ETV1: variants seen among roughly 807,000 people sequenced by gnomAD.
ETV1 encodes the protein ETS variant transcription factor 1.
In ETV1, 27 loss-of-function variants were observed where a neutral mutation model predicts 62.3. The observed-to-expected ratio is 0.43, with a 90% CI of 0.32 to 0.60. ETV1 has a LOEUF of 0.60. ETV1 is among the 20% of genes least tolerant of loss of function. The probability of loss-of-function intolerance (pLI) is 0.06; values close to 1 mark genes in which losing one functional copy is unlikely to be tolerated. For missense variants in ETV1, 605 were observed against 605.8 expected (o/e 1.00, Z 0.01); for synonymous variants, 222 against 199.6 (o/e 1.11, Z -0.94).
At chr7:13,969,632 G>A (rs1203885170) in intron 6 of ETV1, among the ~76,000 whole-genome samples, 2 of 152,148 alleles carry the variant, frequency 1.3e-5, no homozygotes, top group Admixed American at 1.3e-4. Flanking sequence ...AGCTCTCACA[G>A]GATAGGAAAC....
upstream of ETV1, chr7:13,990,468 T>G (rs41506): frequency 0.31 from 47,530 of 151,822 alleles, 7,567 homozygotes; most frequent in East Asian, 0.48. Context: ...GAGGAGGGAG[T>G]GCTTGGGGTT....
At chr7:13,949,518 A>G (rs1788553111) in intron 6 of ETV1, among the ~76,000 whole-genome samples, 1 of 152,106 alleles carries the variant, frequency 6.6e-6, no homozygotes, top group Non-Finnish European at 1.5e-5. Context: ...GCTCTCAAAG[A>G]TTCTTTCTAG....
rs3837100 is a variant in ETV1, at chr7:13,957,852, GA to G, written c.236-18607del. On this transcript the variant is annotated intron_variant, in intron 6 of 13. Coordinates refer to ENST00000430479, the MANE Select transcript of ETV1 (RefSeq NM_004956.5). ...TGCTTTCCTTCCAAGTGTGCAAATA[GA>G]AAAGATGAACTTTGGAGAAACACAT... Among the ~76,000 whole-genome samples the G allele has an allele frequency of 9.7e-4, 148 of 152,314 alleles. 4 individuals are homozygous for G. The East Asian group carries it at 0.025, about 26-fold the overall frequency.
intron 6 of ETV1, among the ~76,000 whole-genome samples, chr7:13,973,102 T>G (rs1325183875): frequency 6.6e-6 from 1 of 152,216 alleles, no homozygotes; most frequent in Non-Finnish European, 1.5e-5. Flanking sequence ...TCACAATTTT[T>G]GGATGCTCTG....
chr7:13,934,847 C>A lies in ETV1; in HGVS notation c.554+861G>T, dbSNP rs532311482. ...GAAAGCAATATGTACATCACAGACCCAGCAAAAGCTACTGATGAGGGCGTT... is the reference window on the plus strand; with the variant it reads ...GAAAGCAATATGTACATCACAGACCAAGCAAAAGCTACTGATGAGGGCGTT... On this transcript the variant is annotated intron_variant, in intron 8 of 13. Coordinates refer to ENST00000430479, the MANE Select transcript of ETV1 (RefSeq NM_004956.5). 1.7e-3 allele frequency among the ~76,000 whole-genome samples: 262 copies of A among 152,206 alleles called. 1 individual carries two copies. Among genetic ancestry groups the A allele is most frequent in the Admixed American group, 4.3e-3 (66 of 15,262 alleles).
At chr7:13,919,853 T>C (rs1176582209) in intron 9 of ETV1, among the ~76,000 whole-genome samples, 1 of 151,776 alleles carries the variant, frequency 6.6e-6, no homozygotes, top group Non-Finnish European at 1.5e-5. Context: ...TTTGTTCATA[T>C]TCATGAAACA....
At chr7:13,928,815 G>A (rs910693482) in intron 9 of ETV1, among the ~76,000 whole-genome samples, 6 of 152,068 alleles carry the variant, frequency 3.9e-5, no homozygotes, top group South Asian at 2.1e-4. Flanking sequence ...AAAATCAGCC[G>A]GGTGTGGTGG....
intron 3 of ETV1, chr7:13,988,760 C>T: frequency 6.2e-7 from 1 of 1,612,408 alleles, no homozygotes. Context: ...TCTCCTCTTC[C>T]ACTCATGTTG....
intron 5 of ETV1, chr7:13,986,060 C>G: frequency 8.9e-4 from 1,059 of 1,188,472 alleles, no homozygotes; most frequent in Non-Finnish European, 1.2e-3. Flanking sequence ...TTTTTAAAAT[C>G]CTCATATCTC....
intron 5 of ETV1, among the ~76,000 whole-genome samples, chr7:13,980,564 G>A (rs567515628): frequency 1.3e-5 from 2 of 152,252 alleles, no homozygotes; most frequent in Middle Eastern, 6.8e-3. Context: ...AGGGGAAGAG[G>A]AGGAAAGGAG....
At chr7:13,907,995 A>G (rs932644472) in intron 11 of ETV1, 2 of 370,378 alleles carry the variant, frequency 5.4e-6, no homozygotes, top group African/African-American at 4.3e-5. Context: ...TCCTTCTGAG[A>G]TTTACAATGT....
chr7:13,981,072 C>G (rs1428776909), intron 5 of ETV1, among the ~76,000 whole-genome samples: 9 of 151,828 alleles, frequency 5.9e-5, no homozygotes, highest in African/African-American at 2.2e-4. Flanking sequence ...CCTATTCTTA[C>G]AAACTATGTG....
At chr7:13,917,664 G>C (rs1784333766) in intron 9 of ETV1, among the ~76,000 whole-genome samples, 1 of 149,608 alleles carries the variant, frequency 6.7e-6, no homozygotes, top group South Asian at 2.2e-4. Flanking sequence ...AATTAACAGA[G>C]GTTTAAAAGA....
At chr7:13,925,862 AT>A (rs539473511) in intron 9 of ETV1, among the ~76,000 whole-genome samples, 64 of 148,264 alleles carry the variant, frequency 4.3e-4, no homozygotes, top group East Asian at 1.6e-3. Flanking sequence ...GGCCCGACTG[AT>A]TTTTTTTTTT....
chr7:13,972,242 C>G (rs1376681914), intron 6 of ETV1, among the ~76,000 whole-genome samples: 6 of 152,090 alleles, frequency 3.9e-5, no homozygotes, highest in African/African-American at 1.2e-4. Context: ...GAGTTCAAGA[C>G]CAGCCTGGGC....
At chr7:13,921,435 T>A (rs2128436629) in intron 9 of ETV1, among the ~76,000 whole-genome samples, 1 of 152,290 alleles carries the variant, frequency 6.6e-6, no homozygotes, top group Middle Eastern at 3.4e-3. Flanking sequence ...GGAATGGGTT[T>A]TATCAGCCAT....
chr7:13,926,115 T>C (rs184696224), intron 9 of ETV1, among the ~76,000 whole-genome samples: 1 of 152,316 alleles, frequency 6.6e-6, no homozygotes, highest in African/African-American at 2.4e-5. Flanking sequence ...ATATTTCTTT[T>C]ACAAGTACCC....
intron 9 of ETV1, among the ~76,000 whole-genome samples, chr7:13,929,262 G>A (rs796581151): frequency 7.2e-5 from 11 of 152,234 alleles, no homozygotes; most frequent in African/African-American, 2.2e-4. Flanking sequence ...AAACCACAAT[G>A]GGAATTTCAA....
intron 9 of ETV1, among the ~76,000 whole-genome samples, chr7:13,920,757 T>C (rs1257932031): frequency 6.6e-6 from 1 of 152,172 alleles, no homozygotes; most frequent in Non-Finnish European, 1.5e-5. Context: ...AGAGCATATT[T>C]AAGTATTTCT....
Sources: allele counts gnomAD v4.1 joint callset (sites outside exome capture counted in the v4.1 genomes callset), GRCh38; gene constraint gnomAD v4.1.1; transcripts MANE v1.5; gene names NCBI Gene and HGNC (gene_info 2026-07-23, HGNC 2026-07-21).